The following CHP1 variants were observed in gnomAD, a reference collection of about 807,000 sequenced individuals.
CHP1 encodes calcineurin like EF-hand protein 1.
In CHP1, 11 loss-of-function variants were observed where a neutral mutation model predicts 27.4. That is an observed-to-expected ratio of 0.40 (90% CI 0.25 to 0.67). The LOEUF (loss-of-function observed/expected upper bound fraction) is 0.67. Among genes scored for constraint, CHP1 ranks in the 30% least tolerant of loss-of-function variants. The pLI, the probability that CHP1 is intolerant of heterozygous loss-of-function variation, is 0.38. For synonymous variants in CHP1, 89 were observed against 87.4 expected (o/e 1.02, Z -0.10); for missense variants, 169 against 251.3 (o/e 0.67, Z 2.22).
At chr15:41,238,119 G>A (rs1003005587) in intron 1 of CHP1, among the ~76,000 whole-genome samples, 2 of 152,040 alleles carry the variant, frequency 1.3e-5, no homozygotes, top group Non-Finnish European at 2.9e-5. Flanking sequence ...ATGATAGAAA[G>A]ATTTCAGCAA....
chr15:41,243,755 C>A lies in CHP1; in HGVS notation c.140+16C>A. 1.2e-6 allele frequency: 2 copies of A among 1,611,456 alleles called. No individual in the cohort carries two copies. The highest frequency in any genetic ancestry group is 1.7e-6 in the Non-Finnish European group (2 of 1,177,910). On this transcript the variant is annotated intron_variant, in intron 2 of 6. Coordinates refer to ENST00000334660, the MANE Select transcript of CHP1 (RefSeq NM_007236.5). The stretch of plus-strand genomic sequence containing the variant: ...GGACTCTCAGGTAGGCAGTGTTTTT[C>A]TTTATTTTCCTCACAGAAACCAGAA...
At chr15:41,239,670 T>G (rs2140923037) in intron 1 of CHP1, among the ~76,000 whole-genome samples, 1 of 152,268 alleles carries the variant, frequency 6.6e-6, no homozygotes, top group African/African-American at 2.4e-5. Context: ...GTGCTGGTAT[T>G]GCAGGCTTGA....
At chr15:41,271,865 G>T (rs2047491432) in intron 5 of CHP1, among the ~76,000 whole-genome samples, 1 of 152,182 alleles carries the variant, frequency 6.6e-6, no homozygotes, top group Non-Finnish European at 1.5e-5. Flanking sequence ...TTTCTTGAAA[G>T]TTGCCACATA....
chr15:41,278,143 A>G (rs1340400440), intron 5 of CHP1, among the ~76,000 whole-genome samples: 11 of 151,958 alleles, frequency 7.2e-5, no homozygotes, highest in Admixed American at 7.2e-4. Context: ...CCTGTCTAAC[A>G]TGCTGAAACC....
chr15:41,254,013 C>T (rs1204236663), intron 2 of CHP1, among the ~76,000 whole-genome samples: 1 of 151,456 alleles, frequency 6.6e-6, no homozygotes, highest in East Asian at 1.9e-4. Flanking sequence ...AGGCTGGTCT[C>T]GAACTCCTAG....
chr15:41,245,130 C>T (rs57126801), intron 2 of CHP1, among the ~76,000 whole-genome samples: 19,941 of 152,150 alleles, frequency 0.13, 1,530 homozygotes, highest in South Asian at 0.26. Flanking sequence ...TCTCTCTGGA[C>T]AATTCATATA....
At chr15:41,251,379 AAAG>A (rs2047365809) in intron 2 of CHP1, among the ~76,000 whole-genome samples, 1 of 152,164 alleles carries the variant, frequency 6.6e-6, no homozygotes, top group Non-Finnish European at 1.5e-5. Flanking sequence ...AAGAATATTT[AAAG>A]AAGAGAAACC....
At chr15:41,256,598 A>C (rs1000995868) in intron 2 of CHP1, 1 of 322,478 alleles carries the variant, frequency 3.1e-6, no homozygotes, top group Admixed American at 4.7e-5. Context: ...ACGCAATGCT[A>C]ATGTTCAAGA....
rs1049823070 is a variant in CHP1 at position 41,259,784 on chromosome 15, CCT to C, written c.221+2797_221+2798del. On this transcript the variant is annotated intron_variant, in intron 3 of 6. Transcript: ENST00000334660. ...TTTTGTTTTTTTGAGACGGAGTCTCCCTCTGTCTCCCAGGCTGGCATGCAGTG... is the reference window on the plus strand; with the variant it reads ...TTTTGTTTTTTTGAGACGGAGTCTCCCTGTCTCCCAGGCTGGCATGCAGTG... 1.3e-3 allele frequency among the ~76,000 whole-genome samples: 204 copies of C among 152,204 alleles called. 1 individual carries two copies. Among genetic ancestry groups the C allele is most frequent in the African/African-American group, 4.7e-3 (196 of 41,510 alleles).
chr15:41,259,713 A>C (rs2047422480), intron 3 of CHP1, among the ~76,000 whole-genome samples: 1 of 152,158 alleles, frequency 6.6e-6, no homozygotes, highest in Non-Finnish European at 1.5e-5. Context: ...GTCCATTAGC[A>C]GTATAGATAC....
intron 3 of CHP1, 54 bp from the exon 4 acceptor site, chr15:41,262,702 A>C (rs2140936936): frequency 6.2e-7 from 1 of 1,601,136 alleles, no homozygotes; most frequent in South Asian, 1.1e-5. Context: ...TTAATTCATA[A>C]GAAATAATCA....
At chr15:41,269,206 A>T (rs1464725324) in intron 4 of CHP1, among the ~76,000 whole-genome samples, 1 of 152,150 alleles carries the variant, frequency 6.6e-6, no homozygotes, top group African/African-American at 2.4e-5. Flanking sequence ...CTGTCTGAAA[A>T]AAATAAATAA....
intron 2 of CHP1, among the ~76,000 whole-genome samples, chr15:41,249,923 T>C (rs1048906315): frequency 2.0e-5 from 3 of 151,476 alleles, no homozygotes; most frequent in Non-Finnish European, 4.4e-5. Context: ...CAGTGTACAG[T>C]CTGGGGCATT....
At chr15:41,261,189 G>A (rs1253278308) in intron 3 of CHP1, among the ~76,000 whole-genome samples, 3 of 132,082 alleles carry the variant, frequency 2.3e-5, no homozygotes, top group Admixed American at 8.0e-5. Context: ...TAGTCTTGCT[G>A]TGTCACCCAG....
intron 2 of CHP1, among the ~76,000 whole-genome samples, chr15:41,245,897 G>T (rs1414529625): frequency 6.6e-6 from 1 of 152,050 alleles, no homozygotes; most frequent in East Asian, 1.9e-4. Context: ...TGTCCCAAAG[G>T]CTTATCCTAT....
At chr15:41,274,300 G>GTAGAGGGA (rs1203405525) in intron 5 of CHP1, among the ~76,000 whole-genome samples, 1 of 152,190 alleles carries the variant, frequency 6.6e-6, no homozygotes, top group African/African-American at 2.4e-5. Flanking sequence ...ACATGGACAG[G>GTAGAGGGA]TAGAGGGAGC....
At chr15:41,243,219 T>C (rs558404283) in intron 1 of CHP1, among the ~76,000 whole-genome samples, 1 of 152,216 alleles carries the variant, frequency 6.6e-6, no homozygotes, top group Non-Finnish European at 1.5e-5. Context: ...CGGAAGCCTG[T>C]AATCCCAGCT....
At chr15:41,274,503 C>T (rs1028120403) in intron 5 of CHP1, among the ~76,000 whole-genome samples, 1 of 152,126 alleles carries the variant, frequency 6.6e-6, no homozygotes, top group Non-Finnish European at 1.5e-5. Context: ...ATCCTCTGGC[C>T]TTAGCCTTCC....
intron 2 of CHP1, among the ~76,000 whole-genome samples, chr15:41,255,446 G>A (rs993481519): frequency 3.3e-5 from 5 of 152,212 alleles, no homozygotes; most frequent in African/African-American, 9.6e-5. Flanking sequence ...GCTGAGGTGG[G>A]TGGATCACCT....
Sources: gnomAD v4.1 joint callset for allele counts (sites outside exome capture counted in the v4.1 genomes callset) on GRCh38, gnomAD v4.1.1 for gene constraint, MANE v1.5 for transcripts, NCBI Gene and HGNC (gene_info 2026-07-23, HGNC 2026-07-21) for gene names.